The following DCC variants were observed in gnomAD, a reference collection of about 807,000 sequenced individuals.
DCC encodes netrin receptor DCC.
In DCC, 58 loss-of-function variants were observed where a neutral mutation model predicts 172.5. The ratio of observed to expected loss-of-function variants is 0.34; its 90% confidence interval spans 0.27 to 0.42. DCC has a LOEUF of 0.42. Ranked by LOEUF, DCC falls within the 10% of genes least tolerant of loss-of-function variation. The pLI, the probability that DCC is intolerant of heterozygous loss-of-function variation, is 1.00. For synonymous variants in DCC, 709 were observed against 644.5 expected, an observed-to-expected ratio of 1.10 and a Z score of -1.52; for missense variants, 1,740 against 1,791.0, an observed-to-expected ratio of 0.97 and a Z score of 0.51.
intron 15 of DCC, among the ~76,000 whole-genome samples, chr18:53,376,667 A>C (rs769298109): frequency 2.0e-5 from 3 of 152,124 alleles, no homozygotes; most frequent in Non-Finnish European, 2.9e-5. Context: ...CCACCATACC[A>C]CAGGTTTTTT....
At chr18:52,404,921 T>C (rs960256893) in intron 1 of DCC, among the ~76,000 whole-genome samples, 1 of 151,246 alleles carries the variant, frequency 6.6e-6, no homozygotes, top group African/African-American at 2.4e-5. Flanking sequence ...TGTTTGGTTT[T>C]TTGTTCTTGT....
At chr18:52,438,846 G>A (rs1219962740) in intron 1 of DCC, among the ~76,000 whole-genome samples, 3 of 152,042 alleles carry the variant, frequency 2.0e-5, no homozygotes, top group African/African-American at 7.2e-5. Context: ...GGGCTATGGG[G>A]GTACATTTAG....
chr18:52,694,277 C>T (rs1209335373), intron 1 of DCC, among the ~76,000 whole-genome samples: 1 of 152,032 alleles, frequency 6.6e-6, no homozygotes, highest in Non-Finnish European at 1.5e-5. Context: ...CATCACAGTC[C>T]AGTGGAGACT....
chr18:52,511,672 G>A (rs1308027223), intron 1 of DCC, among the ~76,000 whole-genome samples: 5 of 152,136 alleles, frequency 3.3e-5, no homozygotes, highest in Admixed American at 6.5e-5. Flanking sequence ...AATGTCAATA[G>A]CTCCAAGGCT....
At chr18:53,400,596 T>A (rs1164747794) in intron 18 of DCC, among the ~76,000 whole-genome samples, 1 of 152,124 alleles carries the variant, frequency 6.6e-6, no homozygotes, top group African/African-American at 2.4e-5. Flanking sequence ...AGGGCCATAT[T>A]ATTTTTCAAA....
At chr18:53,476,291 G>C (rs1271469612) in intron 25 of DCC, among the ~76,000 whole-genome samples, 1 of 152,130 alleles carries the variant, frequency 6.6e-6, no homozygotes, top group Non-Finnish European at 1.5e-5. Flanking sequence ...TTTTAAATGT[G>C]AGAACATTAG....
chr18:52,992,850 C>T (rs142366146), intron 5 of DCC, among the ~76,000 whole-genome samples: 2 of 152,092 alleles, frequency 1.3e-5, no homozygotes, highest in East Asian at 3.9e-4. Flanking sequence ...TGGTACATGC[C>T]TATCGTAATC....
intron 26 of DCC, among the ~76,000 whole-genome samples, chr18:53,491,339 T>G (rs1349979559): frequency 6.6e-6 from 1 of 152,218 alleles, no homozygotes; most frequent in Non-Finnish European, 1.5e-5. Flanking sequence ...ATGTACATTC[T>G]ATTAAACTTA....
chr18:53,467,404 T>C (rs1311234699), intron 24 of DCC, among the ~76,000 whole-genome samples: 1 of 152,178 alleles, frequency 6.6e-6, no homozygotes, highest in Admixed American at 6.5e-5. Flanking sequence ...TTTTGAAGAA[T>C]GCAGTTTATT....
intron 5 of DCC, among the ~76,000 whole-genome samples, chr18:53,024,569 G>T (rs539009065): frequency 2.0e-5 from 3 of 152,240 alleles, no homozygotes; most frequent in African/African-American, 7.2e-5. Flanking sequence ...GAATCACAGC[G>T]AATGGGAAAC....
At chr18:53,213,305 C>T (rs891103205) in intron 11 of DCC, among the ~76,000 whole-genome samples, 2 of 152,108 alleles carry the variant, frequency 1.3e-5, no homozygotes, top group Admixed American at 6.5e-5. Flanking sequence ...TATAGCATGA[C>T]ATGTCAGTAT....
intron 1 of DCC, among the ~76,000 whole-genome samples, chr18:52,731,656 T>C (rs2036644728): frequency 6.6e-6 from 1 of 152,194 alleles, no homozygotes; most frequent in African/African-American, 2.4e-5. Context: ...CATGACATTA[T>C]TTGAGGTGCA....
At chr18:53,125,078 A>C (rs1359819107) in intron 7 of DCC, among the ~76,000 whole-genome samples, 1 of 152,052 alleles carries the variant, frequency 6.6e-6, no homozygotes, top group African/African-American at 2.4e-5. Flanking sequence ...AACTTTTTTA[A>C]ACCTAGAAAT....
chr18:53,058,308 G>C (rs2042442200), intron 5 of DCC, among the ~76,000 whole-genome samples: 1 of 152,220 alleles, frequency 6.6e-6, no homozygotes, highest in Non-Finnish European at 1.5e-5. Context: ...GAGCAGGGAA[G>C]TTTTTAACCT....
chr18:52,448,180 C>A (rs888476751), intron 1 of DCC, among the ~76,000 whole-genome samples: 1 of 152,162 alleles, frequency 6.6e-6, no homozygotes, highest in African/African-American at 2.4e-5. Context: ...GGAACATGAA[C>A]CCTACTGTGA....
intron 1 of DCC, among the ~76,000 whole-genome samples, chr18:52,710,599 A>G (rs2036278011): frequency 6.6e-6 from 1 of 152,226 alleles, no homozygotes; most frequent in African/African-American, 2.4e-5. Context: ...CTTCTGGTTG[A>G]TGGGATTGTG....
At chr18:53,387,185 C>T (rs1371853833) in intron 16 of DCC, among the ~76,000 whole-genome samples, 3 of 152,142 alleles carry the variant, frequency 2.0e-5, no homozygotes, top group Non-Finnish European at 4.4e-5. Flanking sequence ...TCTACTCCTG[C>T]CCAAATTTAT....
chr18:52,956,107 G>T (rs2040737689), intron 5 of DCC, among the ~76,000 whole-genome samples: 1 of 151,640 alleles, frequency 6.6e-6, no homozygotes, highest in Non-Finnish European at 1.5e-5. Context: ...CATGGATTTT[G>T]CCTTTAGTGT....
intron 1 of DCC, among the ~76,000 whole-genome samples, chr18:52,563,052 A>G (rs556753637): frequency 1.3e-5 from 2 of 152,274 alleles, no homozygotes; most frequent in Admixed American, 6.6e-5. Context: ...ACCAGTTCAA[A>G]TATCAGTTCA....
Sources: gnomAD v4.1 joint callset for allele counts (sites outside exome capture counted in the v4.1 genomes callset) on GRCh38, gnomAD v4.1.1 for gene constraint, MANE v1.5 for transcripts, NCBI Gene and HGNC (gene_info 2026-07-23, HGNC 2026-07-21) for gene names.